NOTCH2: variants seen among roughly 807,000 people sequenced by gnomAD.
NOTCH2 encodes the protein neurogenic locus notch homolog protein 2.
NOTCH2 carries 29 observed loss-of-function variants against 235.8 expected under a neutral mutation model. The observed-to-expected ratio is 0.12, with a 90% CI of 0.09 to 0.17. NOTCH2 has a LOEUF of 0.17. Among genes scored for constraint, NOTCH2 ranks in the 10% least tolerant of loss-of-function variants. The pLI, the probability that NOTCH2 is intolerant of heterozygous loss-of-function variation, is 1.00. For synonymous variants in NOTCH2, 1,086 were observed against 1,141.5 expected, an observed-to-expected ratio of 0.95 and a Z score of 0.98; for missense variants, 2,285 against 3,150.2, an observed-to-expected ratio of 0.73 and a Z score of 6.57.
chr1:119,940,024 T>C (rs587647811), intron 19 of NOTCH2, among the ~76,000 whole-genome samples: 1 of 152,364 alleles, frequency 6.6e-6, no homozygotes, highest in Non-Finnish European at 1.5e-5. Context: ...TCGCCTTCCA[T>C]GAAATCGAAG....
rs1300713506 is a variant in NOTCH2 at position 119,915,145 on chromosome 1, G to A, written c.*161C>T. On this transcript the variant is annotated 3_prime_UTR_variant, in exon 34 of 34. Coordinates refer to ENST00000256646, the MANE Select transcript of NOTCH2 (RefSeq NM_024408.4). ...CTTGCAGATACCCAGTGAAACTGAC[G>A]AATTGCTTCTCTTGCATTATCTGAA... 1.8e-5 allele frequency: 13 copies of A among 742,736 alleles called. No individual in the cohort carries two copies. Among genetic ancestry groups the A allele is most frequent in the Admixed American group, 4.2e-5 (2 of 47,292 alleles). 46.0% of individuals were successfully genotyped at this position (742,736 alleles called of 1,614,324 possible).
At chr1:119,918,972 C>A (rs1649179741) in intron 31 of NOTCH2, among the ~76,000 whole-genome samples, 1 of 152,146 alleles carries the variant, frequency 6.6e-6, no homozygotes, top group Non-Finnish European at 1.5e-5. Context: ...TCAGGCCAAT[C>A]CATAAGAAGT....
In NOTCH2 at chr1:120,069,393, C is replaced by A. The variant is rs1234964366; in HGVS notation, c.14G>T (p.Arg5Leu). The A allele has an allele frequency of 9.0e-6, 14 of 1,550,110 alleles. No homozygotes were observed. In the Middle Eastern group the frequency reaches 6.4e-4, roughly 71 times the overall value. Residue 5 changes from arginine to leucine, a missense_variant, in exon 1 of 34, where the codon CGC becomes CTC. This residue lies in a region of NOTCH2 where 37 missense variants were observed against 31.4 expected (regional missense o/e 1.18). Transcript: ENST00000256646. The part of the protein sequence containing the change: MPAL[R>L]PALLWALLAL... ...CAGCAGCGCCCACAGCAGAGCGGGG[C>A]GCAGGGCGGGCATCTTCTCGGTCGC...
intron 2 of NOTCH2, among the ~76,000 whole-genome samples, chr1:120,015,131 TA>T (rs1165128301): frequency 1.3e-5 from 2 of 152,004 alleles, no homozygotes; most frequent in African/African-American, 4.8e-5. Flanking sequence ...TCATGATTTT[TA>T]AAAAAACTAT....
rs369028361 is a variant in NOTCH2 at position 119,963,578 on chromosome 1, C to T, written c.1911G>A (p.Thr637=). ...NGYQCNCQPG[T]SGVNCEINFD... Reference sequence around the variant, plus strand: ...ACATAAACAGAGTGGGCTTACCTGACGTGCCTGGCTGGCAGTTGCACTGGT... The same window carrying T: ...ACATAAACAGAGTGGGCTTACCTGATGTGCCTGGCTGGCAGTTGCACTGGT... The change falls in exon 11 of 34, where the codon ACG becomes ACA. Residue 637 remains threonine, a synonymous_variant. Coordinates refer to ENST00000256646, the MANE Select transcript of NOTCH2 (RefSeq NM_024408.4). 21 of 1,613,302 alleles carry T rather than the reference C, an allele frequency of 1.3e-5. No homozygotes were observed. Among genetic ancestry groups the T allele is most frequent in the African/African-American group, 5.3e-5 (4 of 74,904 alleles).
chr1:119,983,021 T>A (rs921852875), intron 5 of NOTCH2, among the ~76,000 whole-genome samples: 20 of 152,066 alleles, frequency 1.3e-4, no homozygotes, highest in Admixed American at 6.6e-5. Context: ...ATAATGAGAG[T>A]AACAGATATA....
chr1:120,013,977 G>A (rs1227280689), intron 2 of NOTCH2, among the ~76,000 whole-genome samples: 2 of 150,344 alleles, frequency 1.3e-5, no homozygotes, highest in African/African-American at 5.0e-5. Context: ...TGAACTAAAG[G>A]TGTATATTCT....
intron 27 of NOTCH2, 70 bp downstream of exon 27, chr1:119,922,566 T>C: frequency 6.2e-7 from 1 of 1,609,384 alleles, no homozygotes; most frequent in South Asian, 1.1e-5. Flanking sequence ...GAGGGCTACA[T>C]AATGAAAATT....
chr1:119,988,065 C>T (rs1322027111), intron 4 of NOTCH2, among the ~76,000 whole-genome samples: 9 of 152,206 alleles, frequency 5.9e-5, no homozygotes, highest in East Asian at 1.9e-4. Context: ...TTGGCTTCCT[C>T]GAAATATCCC....
chr1:119,972,297 T>C (rs587742582), intron 5 of NOTCH2, among the ~76,000 whole-genome samples: 3 of 152,246 alleles, frequency 2.0e-5, no homozygotes, highest in South Asian at 4.2e-4. Context: ...CTCAAAGTAA[T>C]GACAGCTGTG....
chr1:119,984,774 C>T (rs1553202041), intron 5 of NOTCH2, among the ~76,000 whole-genome samples: 1 of 152,146 alleles, frequency 6.6e-6, no homozygotes, highest in Non-Finnish European at 1.5e-5. Flanking sequence ...ACATCCCTCA[C>T]ATCAAGCATA....
chr1:119,919,983 A>G (rs910440261), intron 30 of NOTCH2, among the ~76,000 whole-genome samples: 2 of 152,226 alleles, frequency 1.3e-5, no homozygotes, highest in African/African-American at 4.8e-5. Flanking sequence ...TCCCACTACA[A>G]TCTAACCCAT....
intron 3 of NOTCH2, among the ~76,000 whole-genome samples, chr1:120,002,862 T>C (rs1360841200): frequency 6.7e-6 from 1 of 149,090 alleles, no homozygotes; most frequent in Non-Finnish European, 1.5e-5. Flanking sequence ...TGAAGAATAG[T>C]TGTACTACAT....
chr1:119,943,628 C>T (rs587726783), intron 17 of NOTCH2, among the ~76,000 whole-genome samples: 5 of 152,156 alleles, frequency 3.3e-5, no homozygotes, highest in South Asian at 2.1e-4. Flanking sequence ...TAAAAAAATT[C>T]AGCATGGAAC....
intron 12 of NOTCH2, among the ~76,000 whole-genome samples, chr1:119,958,876 A>G (rs1650826286): frequency 1.3e-5 from 2 of 152,050 alleles, no homozygotes; most frequent in Admixed American, 6.6e-5. Flanking sequence ...GATCTCTCTC[A>G]TGCTACCCAA....
rs1649161615 is a variant in NOTCH2, at chr1:119,918,393, C to T, written c.5929+13G>A. 2 of 1,613,974 alleles carry T rather than the reference C, an allele frequency of 1.2e-6. No homozygotes were observed. The highest frequency in any genetic ancestry group is 1.1e-5 in the South Asian group (1 of 91,072). ...TGCAGGTAAGAATCCAAATCCCTGC[C>T]TTTCATCCCTACCATGGTCATCCAC... On this transcript the variant is annotated intron_variant, in intron 32 of 33. Transcript: ENST00000256646.
intron 8 of NOTCH2, 150 bp from the exon 9 acceptor site, chr1:119,966,639 C>T: frequency 1.4e-6 from 1 of 695,804 alleles, no homozygotes; most frequent in Non-Finnish European, 2.6e-6. Flanking sequence ...GAGAAATAGT[C>T]ACTCCAAGTG....
chr1:119,922,395 G>C lies in NOTCH2; in HGVS notation c.5054C>G (p.Ala1685Gly), dbSNP rs771313011. ...AATAATAAACAGAATGATGACAACA[G>C]CAACAGCAAGGAGATAGAGGAGCTG... ...RTQLLYLLAVAVVIILFIILL... is the reference protein window; with the variant it reads ...RTQLLYLLAVGVVIILFIILL... The change falls in exon 28 of 34, where the codon GCT becomes GGT. Residue 1685 changes from alanine to glycine, a missense_variant. Coordinates refer to ENST00000256646, the MANE Select transcript of NOTCH2 (RefSeq NM_024408.4). The C allele has an allele frequency of 5.6e-6, 9 of 1,613,920 alleles. No homozygotes were observed. Among genetic ancestry groups the C allele is most frequent in the Non-Finnish European group, 7.6e-6 (9 of 1,179,984 alleles).
rs1649290337 is a variant in NOTCH2 at position 119,921,740 on chromosome 1, A to G, written c.5283T>C (p.Asp1761=). 6.2e-7 allele frequency: 1 copy of G among 1,614,196 alleles called. No homozygotes were observed. Among genetic ancestry groups the G allele is most frequent in the Non-Finnish European group, 8.5e-7 (1 of 1,180,002 alleles). The change falls in exon 29 of 34, where the codon GAT becomes GAC. Residue 1761 remains aspartate (D), a synonymous_variant. Coordinates refer to ENST00000256646, the MANE Select transcript of NOTCH2 (RefSeq NM_024408.4). ...TTACTTTCTTTGGCTGGGGCCCTTC[A>G]TCATCGACCCAGTGTTCACTTGTTC... The part of the protein sequence containing the change: ...GTGTSEHWVD[D]EGPQPKKVKA...
Sources: allele counts gnomAD v4.1 joint callset (sites outside exome capture counted in the v4.1 genomes callset), GRCh38; gene constraint gnomAD v4.1.1; regional missense constraint gnomAD v4.1.1; transcripts MANE v1.5; gene names NCBI Gene and HGNC (gene_info 2026-07-23, HGNC 2026-07-21).